Variants in ATAD1 observed in about 807,000 individuals in gnomAD.
ATAD1 encodes the protein outer mitochondrial transmembrane helix translocase.
Under a neutral mutation model 42.7 loss-of-function variants are expected in ATAD1, and 18 were observed. That is an observed-to-expected ratio of 0.42 (90% CI 0.29 to 0.63). ATAD1 has a LOEUF of 0.63. ATAD1 is among the 20% of genes least tolerant of loss of function. The pLI, the probability that ATAD1 is intolerant of heterozygous loss-of-function variation, is 0.19. For synonymous variants in ATAD1, 132 were observed against 143.1 expected, an observed-to-expected ratio of 0.92 and a Z score of 0.55; for missense variants, 294 against 440.4, an observed-to-expected ratio of 0.67 and a Z score of 2.98.
At chr10:87,788,041 G>C (rs965365363) in intron 4 of ATAD1, among the ~76,000 whole-genome samples, 1 of 152,132 alleles carries the variant, frequency 6.6e-6, no homozygotes, top group Non-Finnish European at 1.5e-5. Context: ...TTAGACGTTT[G>C]AGGGAAAAAA....
chr10:87,824,654 C>T (rs980325181), intron 1 of ATAD1, among the ~76,000 whole-genome samples: 2 of 152,182 alleles, frequency 1.3e-5, no homozygotes, highest in East Asian at 3.8e-4. Context: ...GATATTCTCT[C>T]ATTCCTAGAT....
At chr10:87,763,274 C>T (rs1285868054) in intron 8 of ATAD1, among the ~76,000 whole-genome samples, 1 of 151,990 alleles carries the variant, frequency 6.6e-6, no homozygotes, top group African/African-American at 2.4e-5. Flanking sequence ...GACATGCTCC[C>T]CCCAAAATGA....
At chr10:87,811,170 T>C (rs1189029524) in intron 2 of ATAD1, among the ~76,000 whole-genome samples, 2 of 151,894 alleles carry the variant, frequency 1.3e-5, no homozygotes, top group East Asian at 3.9e-4. Flanking sequence ...CCGTCTCTAC[T>C]AAAACTACAA....
At chr10:87,766,585 C>A (rs1347269057) in intron 8 of ATAD1, among the ~76,000 whole-genome samples, 1 of 152,064 alleles carries the variant, frequency 6.6e-6, no homozygotes, top group African/African-American at 2.4e-5. Context: ...GAGTTTGAGA[C>A]CAGCCGGGCC....
intron 1 of ATAD1, among the ~76,000 whole-genome samples, chr10:87,828,784 G>A (rs1036689140): frequency 6.6e-6 from 1 of 152,204 alleles, no homozygotes; most frequent in African/African-American, 2.4e-5. Flanking sequence ...ATGACTTTAA[G>A]TTGAAACCAA....
In ATAD1 at chr10:87,817,886, A is replaced by G. The variant is rs1857496996; in HGVS notation, c.-14+281T>C. The stretch of plus-strand genomic sequence containing the variant: ...CCCCCACAGTGACCAGGATGCCGAC[A>G]AAGATTCCCTCGGGAATGGCACGAG... On this transcript the variant is annotated intron_variant, in intron 1 of 9. Coordinates refer to ENST00000680024, the MANE Select transcript of ATAD1 (RefSeq NM_001321967.2). 5 of 985,454 alleles carry G rather than the reference A, an allele frequency of 5.1e-6. No individual in the cohort carries two copies. In the South Asian group the frequency reaches 2.3e-4, roughly 46 times the overall value. 61.0% of individuals were successfully genotyped at this position (985,454 alleles called of 1,614,324 possible). A position where few individuals can be genotyped will look rare whatever the true frequency, so the allele number is the denominator to read the frequency against.
chr10:87,831,645 G>A (rs1297217799), intron 1 of ATAD1, among the ~76,000 whole-genome samples: 2 of 152,066 alleles, frequency 1.3e-5, no homozygotes. Flanking sequence ...CTCAAGTGCA[G>A]GGCCTTACAA....
At chr10:87,776,494 G>T in intron 5 of ATAD1, 67 bp from the exon 6 acceptor site, 3 of 1,299,218 alleles carry the variant, frequency 2.3e-6, no homozygotes, top group Non-Finnish European at 3.3e-6. Flanking sequence ...TTTGAGACAG[G>T]GTCTCACTCT....
intron 2 of ATAD1, among the ~76,000 whole-genome samples, chr10:87,793,295 T>C (rs1856217692): frequency 6.6e-6 from 1 of 152,166 alleles, no homozygotes; most frequent in Non-Finnish European, 1.5e-5. Flanking sequence ...TAGAAGACAA[T>C]TCTTGGGACT....
At chr10:87,782,386 T>C (rs150768352) in intron 5 of ATAD1, among the ~76,000 whole-genome samples, 522 of 152,054 alleles carry the variant, frequency 3.4e-3, no homozygotes, top group African/African-American at 0.012. Context: ...AAAGACAAGA[T>C]CAAACAAGCA....
intron 4 of ATAD1, among the ~76,000 whole-genome samples, chr10:87,789,777 A>G (rs955452360): frequency 6.6e-6 from 1 of 152,134 alleles, no homozygotes; most frequent in African/African-American, 2.4e-5. Flanking sequence ...ATGAACAAGA[A>G]TTACACTTAA....
intron 5 of ATAD1, among the ~76,000 whole-genome samples, chr10:87,777,421 C>A (rs1376271307): frequency 6.6e-6 from 1 of 152,022 alleles, no homozygotes; most frequent in Admixed American, 6.6e-5. Context: ...TACCAAAATG[C>A]TAATTACGTT....
At position 87,825,874 on chromosome 10, in the gene ATAD1, A is replaced by G. The variant is rs115978489; in HGVS notation, c.-13-11262T>C. ...GAGCCACCATGCCCAGCCAAGTACA[A>G]CACATTTTTTTGTTTAATTTACTAT... On this transcript the variant is annotated intron_variant, in intron 1 of 4. Transcript: ENST00000495903. 4.8e-3 allele frequency among the ~76,000 whole-genome samples: 735 copies of G among 152,166 alleles called. 8 individuals are homozygous for G. Among genetic ancestry groups the G allele is most frequent in the African/African-American group, 0.016 (654 of 41,520 alleles).
intron 3 of ATAD1, 49 bp downstream of exon 3, chr10:87,792,608 A>G: frequency 2.4e-6 from 3 of 1,242,992 alleles, no homozygotes; most frequent in Non-Finnish European, 3.5e-6. Flanking sequence ...AAATGCTAGA[A>G]CCCACCCCCA....
chr10:87,777,447 G>T (rs1052704162), intron 5 of ATAD1, among the ~76,000 whole-genome samples: 5 of 152,058 alleles, frequency 3.3e-5, no homozygotes, highest in Non-Finnish European at 4.4e-5. Context: ...ATAGCTCAGG[G>T]ATGGATTTAA....
At chr10:87,835,835 G>T (rs1228932811) in intron 1 of ATAD1, among the ~76,000 whole-genome samples, 1 of 151,966 alleles carries the variant, frequency 6.6e-6, no homozygotes, top group Non-Finnish European at 1.5e-5. Context: ...AGTTTTTAAT[G>T]ATTGGGATCA....
intron 3 of ATAD1, 24 bp from the exon 4 acceptor site, chr10:87,790,454 G>C (rs370894420): frequency 1.3e-6 from 2 of 1,580,672 alleles, no homozygotes; most frequent in South Asian, 1.2e-5. Flanking sequence ...AGGTCAACAT[G>C]AATTTTACTA....
intron 2 of ATAD1, among the ~76,000 whole-genome samples, chr10:87,805,995 T>C (rs1856905068): frequency 6.6e-6 from 1 of 152,186 alleles, no homozygotes; most frequent in South Asian, 2.1e-4. Flanking sequence ...TCTTTGGCTA[T>C]GGTGACTTTA....
intron 2 of ATAD1, among the ~76,000 whole-genome samples, chr10:87,812,084 T>C (rs1190974769): frequency 3.3e-5 from 5 of 152,196 alleles, no homozygotes. Flanking sequence ...TGTCACCCTC[T>C]TATTCTAAGT....
Sources: allele counts gnomAD v4.1 joint callset (sites outside exome capture counted in the v4.1 genomes callset), GRCh38; gene constraint gnomAD v4.1.1; transcripts MANE v1.5; gene names NCBI Gene and HGNC (gene_info 2026-07-23, HGNC 2026-07-21).